NOP58: variants seen among roughly 807,000 people sequenced by gnomAD.
NOP58 encodes nucleolar protein 58.
In NOP58, 44 loss-of-function variants were observed where a neutral mutation model predicts 71.2. That is an observed-to-expected ratio of 0.62 (90% CI 0.49 to 0.79). NOP58 has a LOEUF of 0.79. Among genes scored for constraint, NOP58 ranks in the 30% least tolerant of loss-of-function variants. NOP58 has a pLI of 0.00. For missense variants in NOP58, 538 were observed against 620.2 expected (o/e 0.87, Z 1.41); for synonymous variants, 228 against 200.3 (o/e 1.14, Z -1.17).
intron 14 of NOP58, 55 bp from the exon 15 acceptor site, chr2:202,303,331 T>G (rs1160117286): frequency 1.2e-6 from 2 of 1,603,174 alleles, no homozygotes; most frequent in Non-Finnish European, 8.5e-7. Context: ...TTCAATGTGA[T>G]TACTCACCCA....
chr2:202,276,340 CAA>C (rs140927221), intron 2 of NOP58: 6,086 of 173,964 alleles, frequency 0.035, no homozygotes, highest in South Asian at 0.065. Flanking sequence ...ACCCTGTCTC[CAA>C]AAAAAAAAAA....
At chr2:202,267,573 A>G (rs1688438927) in intron 1 of NOP58, among the ~76,000 whole-genome samples, 2 of 152,154 alleles carry the variant, frequency 1.3e-5, no homozygotes, top group Admixed American at 6.5e-5. Context: ...TTGGAATCTT[A>G]TCTAAATTAC....
chr2:202,287,615 T>C, intron 5 of NOP58, 45 bp from the exon 6 acceptor site: 1 of 1,468,552 alleles, frequency 6.8e-7, no homozygotes, highest in South Asian at 1.1e-5. Context: ...TTAAATGCTT[T>C]TCCTAGATGC....
At chr2:202,288,143 C>T (rs991471887) in intron 6 of NOP58, among the ~76,000 whole-genome samples, 2 of 151,990 alleles carry the variant, frequency 1.3e-5, no homozygotes, top group Non-Finnish European at 2.9e-5. Flanking sequence ...AACATAAGTG[C>T]AATCTTTGTA....
chr2:202,268,833 CCT>C (rs1397258641), intron 1 of NOP58, among the ~76,000 whole-genome samples: 3 of 152,118 alleles, frequency 2.0e-5, no homozygotes, highest in South Asian at 4.1e-4. Flanking sequence ...GTCTCGAACT[CCT>C]GACCTCAGGT....
rs138044980 is a variant in NOP58 at position 202,290,315 on chromosome 2, T to A, written c.500-8T>A. 400 of 1,580,472 alleles carry A rather than the reference T, an allele frequency of 2.5e-4. No individual in the cohort carries two copies. In the African/African-American group the frequency reaches 5.0e-3, roughly 20 times the overall value. The stretch of plus-strand genomic sequence containing the variant: ...AAGTTTTGTTTGTTTGTTTTTAATC[T>A]ACTACAGCCTTGTTAGATGACTTGG... On this transcript the variant is annotated splice_polypyrimidine_tract_variant and splice_region_variant and intron_variant, in intron 6 of 14. Transcript: ENST00000264279.
intron 9 of NOP58, among the ~76,000 whole-genome samples, chr2:202,294,731 G>A (rs1688962121): frequency 6.6e-6 from 1 of 152,162 alleles, no homozygotes; most frequent in African/African-American, 2.4e-5. Context: ...TTGGGAAGCT[G>A]AGGAGGGTGG....
At chr2:202,299,226 G>A (rs570329550) in intron 12 of NOP58, among the ~76,000 whole-genome samples, 1 of 152,186 alleles carries the variant, frequency 6.6e-6, no homozygotes, top group African/African-American at 2.4e-5. Context: ...CCAAAGTGCT[G>A]GGATTACAGG....
At chr2:202,302,849 T>G in intron 13 of NOP58, 72 bp from the exon 14 acceptor site, 1 of 1,512,934 alleles carries the variant, frequency 6.6e-7, no homozygotes, top group Non-Finnish European at 8.8e-7. Flanking sequence ...AAACTAGGAC[T>G]CAAACGTTTT....
intron 5 of NOP58, among the ~76,000 whole-genome samples, chr2:202,285,610 C>G (rs76224832): frequency 6.6e-6 from 1 of 152,000 alleles, no homozygotes; most frequent in African/African-American, 2.4e-5. Flanking sequence ...CAAAGTGCCG[C>G]GACTGCAGGG....
chr2:202,277,287 A>G (rs1350136447), intron 2 of NOP58, among the ~76,000 whole-genome samples: 1 of 149,904 alleles, frequency 6.7e-6, no homozygotes, highest in African/African-American at 2.5e-5. Context: ...CCTGGGCGAC[A>G]GAGTGAGACT....
chr2:202,285,757 T>C (rs143462778), intron 5 of NOP58, among the ~76,000 whole-genome samples: 25 of 152,324 alleles, frequency 1.6e-4, no homozygotes, highest in East Asian at 1.5e-3. Context: ...TACTTTGGAA[T>C]TGCACTACAG....
chr2:202,271,174 G>T (rs1688506400), intron 1 of NOP58, among the ~76,000 whole-genome samples: 2 of 152,094 alleles, frequency 1.3e-5, no homozygotes, highest in South Asian at 4.1e-4. Flanking sequence ...GATAGGATGG[G>T]CTCAATCCTA....
At chr2:202,282,494 T>C in intron 4 of NOP58, 22 bp downstream of exon 4, 1 of 1,600,900 alleles carries the variant, frequency 6.2e-7, no homozygotes, top group Non-Finnish European at 8.5e-7. Flanking sequence ...ATATTTTTGG[T>C]CATGCCTGCT....
chr2:202,280,912 A>G (rs993397825), intron 3 of NOP58, among the ~76,000 whole-genome samples: 6 of 151,278 alleles, frequency 4.0e-5, no homozygotes, highest in Non-Finnish European at 7.4e-5. Context: ...TTTAGCAGAG[A>G]TGGGGTTTCA....
Position 202,288,314 on chromosome 2 carries a change from G to A in NOP58, c.499+590G>A, listed in dbSNP as rs1645129474. 2.7e-5 allele frequency among the ~76,000 whole-genome samples: 4 copies of A among 150,734 alleles called. No individual in the cohort carries two copies. The South Asian group carries it at 8.4e-4, about 32-fold the overall frequency. ...AGCCTGACCAACATGGAGAAATCCC[G>A]TCTCTACTAAAAATACAAAATTAAC... On this transcript the variant is annotated intron_variant, in intron 6 of 14. Coordinates refer to ENST00000264279, the MANE Select transcript of NOP58 (RefSeq NM_015934.5).
In NOP58 at chr2:202,291,180, T is replaced by G; in HGVS notation, c.690T>G (p.Val230=). The G allele has an allele frequency of 2.5e-6, 4 of 1,613,240 alleles. No homozygotes were observed. Among genetic ancestry groups the G allele is most frequent in the Non-Finnish European group, 3.4e-6 (4 of 1,179,696 alleles). ...AKLSELLPEE[V]EAEVKAAAEI... is the part of the protein sequence containing the mutation. The stretch of plus-strand genomic sequence containing the variant: ...TTTCTGAGTTGCTGCCAGAAGAAGT[T>G]GAAGCAGAAGTGAAAGCAGCTGCAG... The change falls in exon 8 of 15, where the codon GTT becomes GTG. Residue 230 remains valine, a synonymous_variant. Transcript: ENST00000264279.
rs769985110 is a variant in NOP58 at position 202,303,409 on chromosome 2, G to GA, written c.1571dup (p.Arg525GlufsTer35). 4 of 1,609,784 alleles carry GA rather than the reference G, an allele frequency of 2.5e-6. No homozygotes were observed. Among genetic ancestry groups the GA allele is most frequent in the South Asian group, 1.1e-5 (1 of 90,732 alleles). Reference sequence around the variant, plus strand: ...AGAGTCCAGAGAAAAAGAAGAAAAAGAAAAAAAAGAGAGAGAACGAGGATT... The same window carrying GA: ...AGAGTCCAGAGAAAAAGAAGAAAAAGAAAAAAAAAGAGAGAGAACGAGGATT... On this transcript the variant is annotated frameshift_variant, in exon 15 of 15. Transcript: ENST00000264279. LOFTEE classifies it high-confidence loss of function.
At chr2:202,291,338 C>G in intron 8 of NOP58, 68 bp downstream of exon 8, 1 of 1,231,970 alleles carries the variant, frequency 8.1e-7, no homozygotes, top group Non-Finnish European at 1.1e-6. Flanking sequence ...TTTCTGATGG[C>G]AATGATGATT....
Sources: gnomAD v4.1 joint callset for allele counts (sites outside exome capture counted in the v4.1 genomes callset) on GRCh38, gnomAD v4.1.1 for gene constraint, MANE v1.5 for transcripts, NCBI Gene and HGNC (gene_info 2026-07-23, HGNC 2026-07-21) for gene names.